LAMB1: variants seen among roughly 807,000 people sequenced by gnomAD.
LAMB1 encodes laminin subunit beta 1.
Under a neutral mutation model 222.3 loss-of-function variants are expected in LAMB1, and 121 were observed. The observed-to-expected ratio is 0.54, with a 90% CI of 0.47 to 0.63. LAMB1 has a LOEUF of 0.63. Ranked by LOEUF, LAMB1 falls within the 30% of genes least tolerant of loss-of-function variation. The probability of loss-of-function intolerance (pLI) is 0.00; values close to 1 mark genes in which losing one functional copy is unlikely to be tolerated. For synonymous variants in LAMB1, 794 were observed against 807.2 expected, an observed-to-expected ratio of 0.98 and a Z score of 0.28; for missense variants, 2,172 against 2,240.8, an observed-to-expected ratio of 0.97 and a Z score of 0.62.
intron 14 of LAMB1, among the ~76,000 whole-genome samples, chr7:107,963,965 G>T (rs1403070596): frequency 6.6e-6 from 1 of 152,216 alleles, no homozygotes; most frequent in African/African-American, 2.4e-5. Flanking sequence ...AGGCGTGGTG[G>T]CACATGCCTA....
At position 107,940,252 on chromosome 7, in the gene LAMB1, C is replaced by G. The variant is rs778237047; in HGVS notation, c.3498G>C (p.Thr1166=). The change falls in exon 25 of 34, where the codon ACG becomes ACC. Residue 1166 remains threonine (T), a synonymous_variant. Transcript: ENST00000222399. ...GVEGPRCDKC[T]RGYSGVFPDC... ...CAGGGAAGACCCCCGAGTACCCTCG[C>G]GTGCACTTGTCACAGCGTGGACCCT... 3.7e-6 allele frequency: 6 copies of G among 1,614,222 alleles called. No homozygotes were observed. The highest frequency in any genetic ancestry group is 1.1e-5 in the South Asian group (1 of 91,078).
At chr7:107,935,358 T>TTG in intron 27 of LAMB1, 57 bp downstream of exon 27, 2 of 463,128 alleles carry the variant, frequency 4.3e-6, no homozygotes, top group Non-Finnish European at 2.9e-6. Flanking sequence ...TTTTTTTTTT[T>TTG]TTTTTTTTTT....
intron 12 of LAMB1, 23 bp from the exon 13 acceptor site, chr7:107,973,094 T>C (rs375464529): frequency 8.8e-6 from 14 of 1,599,034 alleles, no homozygotes; most frequent in African/African-American, 8.0e-5. Flanking sequence ...ACGTGAAACA[T>C]GTAACGGTAG....
intron 2 of LAMB1, 132 bp downstream of exon 2, chr7:108,002,717 C>T: frequency 7.7e-7 from 1 of 1,293,522 alleles, no homozygotes; most frequent in East Asian, 2.4e-5. Flanking sequence ...GCGTTTAATC[C>T]CAGGGGCGTC....
In LAMB1 at chr7:107,941,246, G is replaced by A. The variant is rs925349681; in HGVS notation, c.3392-888C>T. On this transcript the variant is annotated intron_variant, in intron 24 of 33. Transcript: ENST00000222399. Reference sequence around the variant, plus strand: ...CACAGTGGCTGTGCCCTTGAACCCTGGCTTAGATTCCCAAATTTCAGGTGA... The same window carrying A: ...CACAGTGGCTGTGCCCTTGAACCCTAGCTTAGATTCCCAAATTTCAGGTGA... 6.6e-5 allele frequency among the ~76,000 whole-genome samples: 10 copies of A among 152,304 alleles called. No homozygotes were observed. In the South Asian group the frequency reaches 1.9e-3, roughly 28 times the overall value.
intron 28 of LAMB1, 129 bp downstream of exon 28, chr7:107,932,045 C>A (rs761482298): frequency 4.7e-6 from 4 of 858,202 alleles, no homozygotes; most frequent in Non-Finnish European, 7.6e-6. Context: ...CATGAACTTT[C>A]ATATTTGATT....
intron 24 of LAMB1, among the ~76,000 whole-genome samples, chr7:107,949,281 C>T (rs193137659): frequency 6.6e-6 from 1 of 152,354 alleles, no homozygotes; most frequent in African/African-American, 2.4e-5. Flanking sequence ...ATGAACAATT[C>T]TCTGATTGAC....
At chr7:107,972,907 A>G in intron 13 of LAMB1, 85 bp downstream of exon 13, 1 of 1,078,924 alleles carries the variant, frequency 9.3e-7, no homozygotes, top group Non-Finnish European at 1.4e-6. Context: ...TGTCTTTTTG[A>G]GAAACAACTG....
rs115436001 is a variant in LAMB1, at chr7:107,940,303, G to A, written c.3447C>T (p.Gly1149=). The A allele has an allele frequency of 1.6e-3, 2,557 of 1,614,176 alleles. 35 individuals are homozygous for A. In the African/African-American group the frequency reaches 0.029, roughly 18 times the overall value. ...IETPQCDQST[G]QCVCVEGVEG... ...CAACACCCTCAACGCAGACACACTG[G>A]CCCGTGGACTGGTCACACTGTGGCG... Residue 1149 remains glycine (G), a synonymous_variant, in exon 25 of 34, where the codon GGC becomes GGT. Transcript: ENST00000222399.
chr7:107,988,878 G>A (rs187048785), intron 5 of LAMB1, among the ~76,000 whole-genome samples: 17 of 152,308 alleles, frequency 1.1e-4, no homozygotes, highest in African/African-American at 4.1e-4. Flanking sequence ...CCTAGCCTAT[G>A]GAACTGTGAG....
At chr7:107,967,055 T>C (rs985261452) in intron 13 of LAMB1, among the ~76,000 whole-genome samples, 1 of 152,236 alleles carries the variant, frequency 6.6e-6, no homozygotes, top group Non-Finnish European at 1.5e-5. Context: ...TCTGCTTCTC[T>C]ATTTCCAGCC....
chr7:107,950,107 G>A (rs1229034082), intron 24 of LAMB1, among the ~76,000 whole-genome samples: 1 of 152,126 alleles, frequency 6.6e-6, no homozygotes, highest in African/African-American at 2.4e-5. Flanking sequence ...GCGCTTGCCT[G>A]TAACTCCAGT....
chr7:107,960,656 A>G lies in LAMB1; in HGVS notation c.2110-7T>C, dbSNP rs1422893016. The G allele has an allele frequency of 2.5e-6, 4 of 1,613,746 alleles. No individual in the cohort carries two copies. The highest frequency in any genetic ancestry group is 2.5e-6 in the Non-Finnish European group (3 of 1,179,570). On this transcript the variant is annotated splice_region_variant and splice_polypyrimidine_tract_variant and intron_variant, in intron 17 of 33. Transcript: ENST00000222399. ...AGTATGGCATGAGAACAAGCTGTGA[A>G]GAAATGAGAACGGCCAAACATCCTT...
At chr7:107,951,160 G>A in intron 24 of LAMB1, 66 bp downstream of exon 24, 1 of 1,135,426 alleles carries the variant, frequency 8.8e-7, no homozygotes, top group Non-Finnish European at 1.3e-6. Flanking sequence ...TTTACAGAAG[G>A]CTCTTGTAGA....
At chr7:107,999,739 T>C (rs2034347286) in intron 3 of LAMB1, 2 of 149,786 alleles carry the variant, frequency 1.3e-5, no homozygotes, top group South Asian at 4.2e-4. Context: ...TAATCATATA[T>C]ACCAGAGAGC....
intron 29 of LAMB1, 99 bp from the exon 30 acceptor site, chr7:107,929,718 G>A (rs772411071): frequency 2.4e-5 from 22 of 924,164 alleles, no homozygotes; most frequent in Admixed American, 1.0e-4. Flanking sequence ...AGCATGGTGG[G>A]GTTACACACC....
At chr7:107,979,604 A>C (rs1253295615) in intron 8 of LAMB1, among the ~76,000 whole-genome samples, 1 of 152,116 alleles carries the variant, frequency 6.6e-6, no homozygotes, top group Non-Finnish European at 1.5e-5. Flanking sequence ...CTAGATACTA[A>C]TAGAATAAAC....
At chr7:107,981,949 T>A (rs903224517) in intron 7 of LAMB1, among the ~76,000 whole-genome samples, 6 of 152,210 alleles carry the variant, frequency 3.9e-5, no homozygotes, top group Non-Finnish European at 5.9e-5. Context: ...TCCACAACTT[T>A]TTTGTCCCAG....
intron 5 of LAMB1, among the ~76,000 whole-genome samples, chr7:107,994,584 T>C (rs1225385713): frequency 3.3e-5 from 5 of 152,312 alleles, no homozygotes; most frequent in East Asian, 1.9e-4. Flanking sequence ...AGATGTTTTA[T>C]TGCGGTTTGG....
Sources: allele counts gnomAD v4.1 joint callset (sites outside exome capture counted in the v4.1 genomes callset), GRCh38; gene constraint gnomAD v4.1.1; transcripts MANE v1.5; gene names NCBI Gene and HGNC (gene_info 2026-07-23, HGNC 2026-07-21).